The following INTS9 variants were observed in gnomAD, a reference collection of about 807,000 sequenced individuals.
The protein encoded by INTS9 is protein related to CPSF subunits of 74 kDa.
Under a neutral mutation model 79.7 loss-of-function variants are expected in INTS9, and 55 were observed. The observed-to-expected ratio is 0.69, with a 90% confidence interval of 0.56 to 0.86. INTS9 has a LOEUF of 0.86. INTS9 is among the 40% of genes least tolerant of loss of function. The pLI is 0.00. For missense variants in INTS9, 721 were observed against 831.5 expected, an observed-to-expected ratio of 0.87 and a Z score of 1.64; for synonymous variants, 319 against 325.2, an observed-to-expected ratio of 0.98 and a Z score of 0.20.
At chr8:28,773,401 T>C (rs1177034808) in intron 14 of INTS9, among the ~76,000 whole-genome samples, 1 of 148,208 alleles carries the variant, frequency 6.7e-6, no homozygotes, top group Non-Finnish European at 1.5e-5. Flanking sequence ...GAGGCGGAGC[T>C]TGCAGTGAGC....
chr8:28,787,938 G>A (rs756918843), intron 10 of INTS9, 49 bp from the exon 11 acceptor site: 4 of 1,344,794 alleles, frequency 3.0e-6, no homozygotes, highest in South Asian at 1.3e-5. Flanking sequence ...GCATACGGTG[G>A]CATCTGTTGC....
chr8:28,786,015 C>A (rs145201840), intron 11 of INTS9, among the ~76,000 whole-genome samples: 122 of 152,318 alleles, frequency 8.0e-4, no homozygotes, highest in Middle Eastern at 6.8e-3. Context: ...CTGTCCCCTC[C>A]CCTCCAGGAT....
intron 8 of INTS9, among the ~76,000 whole-genome samples, chr8:28,805,686 G>A (rs1029168552): frequency 1.3e-5 from 2 of 152,058 alleles, no homozygotes; most frequent in African/African-American, 4.8e-5. Flanking sequence ...AGGACAGTGT[G>A]GCTTTGGGAG....
chr8:28,776,438 T>TG (rs775115386), intron 13 of INTS9, among the ~76,000 whole-genome samples: 7 of 136,392 alleles, frequency 5.1e-5, no homozygotes, highest in Middle Eastern at 3.6e-3. Flanking sequence ...TTTTTTTTTT[T>TG]TGTTTTTTTT....
Position 28,879,598 on chromosome 8 carries a change from T to A in INTS9, c.9+10276A>T, listed in dbSNP as rs1253946644. On this transcript the variant is annotated intron_variant, in intron 1 of 16. Coordinates refer to ENST00000521022, the MANE Select transcript of INTS9 (RefSeq NM_018250.4). ...CATGCAAGAAAAAGAAGTGAAAACA[T>A]GGAGAAATTGGAAATGAAAACTTAT... is the stretch of plus-strand genomic sequence containing the variant. 2.6e-5 allele frequency among the ~76,000 whole-genome samples: 4 copies of A among 151,954 alleles called. No homozygotes were observed. In the East Asian group the frequency reaches 7.7e-4, roughly 29 times the overall value.
At chr8:28,875,095 C>T (rs761580751) in intron 1 of INTS9, among the ~76,000 whole-genome samples, 5 of 152,116 alleles carry the variant, frequency 3.3e-5, no homozygotes, top group African/African-American at 4.8e-5. Flanking sequence ...AGGAAAGACC[C>T]GCCCCCATGA....
rs1585437944 is a variant in INTS9 at position 28,835,289 on chromosome 8, C to T, written c.488+3G>A. On this transcript the variant is annotated splice_donor_region_variant and intron_variant, in intron 6 of 16. Coordinates refer to ENST00000521022, the MANE Select transcript of INTS9 (RefSeq NM_018250.4). ...CTCGGTAAGAGAGTGGTCTGTTCCT[C>T]ACCTCTGAATGTCCTTATTCTTCCA... The T allele has an allele frequency of 1.2e-6, 2 of 1,610,640 alleles. No homozygotes were observed. Among genetic ancestry groups the T allele is most frequent in the Non-Finnish European group, 1.7e-6 (2 of 1,177,112 alleles).
rs760097642 is a variant in INTS9, at chr8:28,813,458, T to TCATGAA, written c.609+28_609+33dup. 9.4e-6 allele frequency: 15 copies of TCATGAA among 1,598,710 alleles called. No individual in the cohort carries two copies. The African/African-American group carries it at 2.0e-4, about 21-fold the overall frequency. ...AAACAACAATATGAATGGAAAGCAT[T>TCATGAA]CATGAATAACTGAAATGTAATATGA... On this transcript the variant is annotated intron_variant, in intron 7 of 16. Transcript: ENST00000521022.
intron 1 of INTS9, among the ~76,000 whole-genome samples, chr8:28,871,137 G>C (rs1809068968): frequency 6.6e-6 from 1 of 152,140 alleles, no homozygotes. Flanking sequence ...TAGTAAGTTA[G>C]GAGTCAGCAA....
Position 28,792,503 on chromosome 8 carries a change from CA to C in INTS9, c.1037+1303del, listed in dbSNP as rs375273304. Among the ~76,000 whole-genome samples, 270 of 151,276 alleles carry C rather than the reference CA, an allele frequency of 1.8e-3. 1 individual carries two copies. The highest frequency in any genetic ancestry group is 6.2e-3 in the African/African-American group (257 of 41,252). On this transcript the variant is annotated intron_variant, in intron 10 of 16. Transcript: ENST00000521022. ...ACTTCTTGCAAAAAAACAAAAAAAT[CA>C]AAGGCCTAAATGCAATGTGTTACCC...
Position 28,779,264 on chromosome 8 carries a change from C to T in INTS9, c.1271-1311G>A, listed in dbSNP as rs1007532444. On this transcript the variant is annotated intron_variant, in intron 12 of 16. Coordinates refer to ENST00000521022, the MANE Select transcript of INTS9 (RefSeq NM_018250.4). ...TGTCAATCAATATCTTGTGGCCCAACTTCCTCCACCTTTAGCCCAAAGCAG... is the reference window on the plus strand; with the variant it reads ...TGTCAATCAATATCTTGTGGCCCAATTTCCTCCACCTTTAGCCCAAAGCAG... Among the ~76,000 whole-genome samples the T allele has an allele frequency of 3.9e-5, 6 of 152,212 alleles. No individual in the cohort carries two copies. The East Asian group carries it at 1.2e-3, about 29-fold the overall frequency.
chr8:28,839,072 A>G (rs868153487), intron 4 of INTS9, among the ~76,000 whole-genome samples: 1 of 152,192 alleles, frequency 6.6e-6, no homozygotes, highest in East Asian at 1.9e-4. Context: ...TATACGGTGC[A>G]CTAAGGAAAA....
intron 1 of INTS9, among the ~76,000 whole-genome samples, chr8:28,885,980 CCT>C (rs1195719222): frequency 1.3e-5 from 2 of 152,042 alleles, no homozygotes; most frequent in Non-Finnish European, 2.9e-5. Flanking sequence ...CCACTGAAAT[CCT>C]CTGAGTTGGT....
chr8:28,848,499 TAG>T, intron 3 of INTS9, among the ~76,000 whole-genome samples: 3 of 152,324 alleles, frequency 2.0e-5, no homozygotes, highest in Admixed American at 2.0e-4. Context: ...ACCATTTAAC[TAG>T]CGACAGGTGG....
intron 1 of INTS9, among the ~76,000 whole-genome samples, chr8:28,884,958 T>C (rs1810106918): frequency 6.6e-6 from 1 of 152,190 alleles, no homozygotes; most frequent in Non-Finnish European, 1.5e-5. Flanking sequence ...AGATCCAAGG[T>C]GAGGATTAAC....
chr8:28,783,094 G>A (rs955930767), intron 11 of INTS9, among the ~76,000 whole-genome samples: 1 of 143,960 alleles, frequency 6.9e-6, no homozygotes, highest in Admixed American at 7.1e-5. Flanking sequence ...GCAGTGAGCC[G>A]AGATGGCGCC....
chr8:28,857,099 C>A (rs1259368238), intron 2 of INTS9, among the ~76,000 whole-genome samples: 1 of 152,128 alleles, frequency 6.6e-6, no homozygotes, highest in Non-Finnish European at 1.5e-5. Flanking sequence ...ATATGTACCA[C>A]ATTTTCTTTA....
chr8:28,833,080 CAT>C (rs1806593204), intron 6 of INTS9, among the ~76,000 whole-genome samples: 1 of 152,124 alleles, frequency 6.6e-6, no homozygotes, highest in African/African-American at 2.4e-5. Context: ...AAATAAATAA[CAT>C]GTGTACAAAG....
chr8:28,796,752 G>A lies in INTS9; in HGVS notation c.745-97C>T, dbSNP rs957246191. 6 of 792,668 alleles carry A rather than the reference G, an allele frequency of 7.6e-6. No homozygotes were observed. In the East Asian group the frequency reaches 7.9e-5, roughly 10 times the overall value. 49.1% of individuals were successfully genotyped at this position (792,668 alleles called of 1,614,324 possible). ...AGAACACAGACATTGCTCTTTCTAC[G>A]TTTAACCCATCATCGAGTTCTCTTA... On this transcript the variant is annotated intron_variant, in intron 8 of 16. Coordinates refer to ENST00000521022, the MANE Select transcript of INTS9 (RefSeq NM_018250.4).
Sources: allele counts gnomAD v4.1 joint callset (sites outside exome capture counted in the v4.1 genomes callset), GRCh38; gene constraint gnomAD v4.1.1; transcripts MANE v1.5; gene names NCBI Gene and HGNC (gene_info 2026-07-23, HGNC 2026-07-21).